The following RNLS variants were observed in gnomAD, a reference collection of about 807,000 sequenced individuals.
The protein encoded by RNLS is renalase.
A neutral mutation model predicts 39.8 loss-of-function variants in RNLS; 39 were observed. That is an observed-to-expected ratio of 0.98 (90% confidence interval 0.76 to 1.28). The LOEUF is 1.28. Ranked by LOEUF, RNLS falls within the 50% of genes most tolerant of loss-of-function variation. The pLI is 0.00. For missense variants in RNLS, 410 were observed against 413.3 expected (o/e 0.99, Z 0.07); for synonymous variants, 147 against 150.7 (o/e 0.98, Z 0.18).
chr10:88,545,821 A>G (rs1482780711), intron 4 of RNLS, among the ~76,000 whole-genome samples: 3 of 152,172 alleles, frequency 2.0e-5, no homozygotes, highest in Non-Finnish European at 4.4e-5. Flanking sequence ...CTAAGTAAAA[A>G]CATAATGCCA....
At position 88,583,292 on chromosome 10, in the gene RNLS, C is replaced by G. The variant is rs936412280; in HGVS notation, c.-102G>C. 3.6e-5 allele frequency: 56 copies of G among 1,536,638 alleles called. No individual in the cohort carries two copies. In the African/African-American group the frequency reaches 6.3e-4, roughly 17 times the overall value. On this transcript the variant is annotated 5_prime_UTR_variant, in exon 1 of 7. Transcript: ENST00000331772. ...AACCGGCGCTAGCGCTCTTTGGTTC[C>G]GTGCTCCCTGGGCCGACCTGGGCCC...
chr10:88,416,544 C>T (rs762283504), intron 4 of RNLS, among the ~76,000 whole-genome samples: 20 of 152,152 alleles, frequency 1.3e-4, no homozygotes, highest in Non-Finnish European at 2.5e-4. Context: ...TGAGCCACTG[C>T]GCCCAGCCCT....
In RNLS at chr10:88,394,110, A is replaced by T. The variant is rs1343945604; in HGVS notation, c.527-31385T>A. Among the ~76,000 whole-genome samples, 5 of 152,338 alleles carry T rather than the reference A, an allele frequency of 3.3e-5. No homozygotes were observed. The East Asian group carries it at 9.6e-4, about 29-fold the overall frequency. ...AACCCTAGAAGAAAACATAGGCAAT[A>T]CCATTAAGGACATAGGCATGGGCAA... On this transcript the variant is annotated intron_variant, in intron 4 of 6. Coordinates refer to ENST00000331772, the MANE Select transcript of RNLS (RefSeq NM_001031709.3).
chr10:88,533,265 T>C (rs1349101650), intron 4 of RNLS, among the ~76,000 whole-genome samples: 1 of 152,114 alleles, frequency 6.6e-6, no homozygotes, highest in Non-Finnish European at 1.5e-5. Flanking sequence ...CAAATCATCA[T>C]TGGTTAAAGA....
At chr10:88,209,754 C>G in the RNLS span, among the ~76,000 whole-genome samples, 1 of 152,156 alleles carries the variant, frequency 6.6e-6, no homozygotes, top group African/African-American at 2.4e-5. Flanking sequence ...TCTTTTAGAT[C>G]TGAAACTAAA....
intron 4 of RNLS, among the ~76,000 whole-genome samples, chr10:88,474,178 T>C (rs1843686595): frequency 6.6e-6 from 1 of 152,196 alleles, no homozygotes; most frequent in Non-Finnish European, 1.5e-5. Flanking sequence ...TATTTTAATG[T>C]TCTGTTAGAT....
At chr10:88,206,715 C>T in the RNLS span, among the ~76,000 whole-genome samples, 2 of 152,164 alleles carry the variant, frequency 1.3e-5, no homozygotes, top group South Asian at 4.1e-4. Context: ...TTTCATCTCC[C>T]GAGAACTCCA....
chr10:88,369,807 G>C (rs1850400931), intron 4 of RNLS, among the ~76,000 whole-genome samples: 1 of 152,136 alleles, frequency 6.6e-6, no homozygotes, highest in East Asian at 1.9e-4. Flanking sequence ...ATCCTCCCAA[G>C]TAACTGGGAT....
chr10:88,226,146 AAC>A, the RNLS span, among the ~76,000 whole-genome samples: 1 of 152,250 alleles, frequency 6.6e-6, no homozygotes. Flanking sequence ...AGAAACTGAG[AAC>A]ACACAGTCAT....
intron 4 of RNLS, among the ~76,000 whole-genome samples, chr10:88,413,619 T>C (rs1467692979): frequency 6.6e-6 from 1 of 152,210 alleles, no homozygotes; most frequent in Non-Finnish European, 1.5e-5. Flanking sequence ...CTATTAAGCA[T>C]CACTGAGGTG....
chr10:88,240,088 C>T, the RNLS span, among the ~76,000 whole-genome samples: 1 of 152,188 alleles, frequency 6.6e-6, no homozygotes, highest in Non-Finnish European at 1.5e-5. Flanking sequence ...ATCTTTCCTT[C>T]TTCGCTCTGT....
At chr10:88,461,041 A>G (rs1338918922) in intron 4 of RNLS, among the ~76,000 whole-genome samples, 1 of 152,114 alleles carries the variant, frequency 6.6e-6, no homozygotes, top group Non-Finnish European at 1.5e-5. Flanking sequence ...GGAGGGAAGA[A>G]GTGGCTTCTA....
intron 4 of RNLS, among the ~76,000 whole-genome samples, chr10:88,504,857 G>GTA (rs1845702698): frequency 6.6e-6 from 1 of 151,194 alleles, no homozygotes. Context: ...GTGTGTGTGT[G>GTA]TGTGTGTGTG....
chr10:88,577,164 G>A lies in RNLS; in HGVS notation c.368-4103C>T, dbSNP rs1042250033. Among the ~76,000 whole-genome samples, 4 of 152,114 alleles carry A rather than the reference G, an allele frequency of 2.6e-5. No individual in the cohort carries two copies. The East Asian group carries it at 7.7e-4, about 29-fold the overall frequency. On this transcript the variant is annotated intron_variant, in intron 3 of 6. Coordinates refer to ENST00000331772, the MANE Select transcript of RNLS (RefSeq NM_001031709.3). ...TCAATATCCACTTCCCCCTATGTCAGGAATTAACTGATGAAAGAGGGAAAC... is the reference window on the plus strand; with the variant it reads ...TCAATATCCACTTCCCCCTATGTCAAGAATTAACTGATGAAAGAGGGAAAC...
At chr10:88,223,707 C>T in the RNLS span, among the ~76,000 whole-genome samples, 2 of 152,126 alleles carry the variant, frequency 1.3e-5, no homozygotes, top group South Asian at 4.1e-4. Flanking sequence ...GGACCATTAT[C>T]ACTTTACCCC....
rs184460464 is a variant in RNLS, at chr10:88,472,933, A to G, written c.526+99970T>C. Among the ~76,000 whole-genome samples, 451 of 152,328 alleles carry G rather than the reference A, an allele frequency of 3.0e-3. 1 individual carries two copies. The highest frequency in any genetic ancestry group is 4.9e-3 in the Non-Finnish European group (332 of 68,020). On this transcript the variant is annotated intron_variant, in intron 4 of 6. Coordinates refer to ENST00000331772, the MANE Select transcript of RNLS (RefSeq NM_001031709.3). ...ATGTTGGGAATTTAACTAGTCATGC[A>G]TAACTTAACCGTGAGGATATGTTCT...
intron 4 of RNLS, among the ~76,000 whole-genome samples, chr10:88,562,105 AC>A (rs1849227760): frequency 6.6e-6 from 1 of 152,122 alleles, no homozygotes; most frequent in Non-Finnish European, 1.5e-5. Flanking sequence ...ATCATGACAA[AC>A]TTTTTGGAAG....
the RNLS span, among the ~76,000 whole-genome samples, chr10:88,211,016 G>A: frequency 6.6e-6 from 1 of 152,128 alleles, no homozygotes; most frequent in African/African-American, 2.4e-5. Context: ...TTTCAAGACT[G>A]TACTGCTGAT....
At chr10:88,567,417 T>C (rs1030776913) in intron 4 of RNLS, among the ~76,000 whole-genome samples, 2 of 152,248 alleles carry the variant, frequency 1.3e-5, no homozygotes, top group African/African-American at 2.4e-5. Flanking sequence ...GGATCTCTCT[T>C]GATATACAAA....
Sources: allele counts gnomAD v4.1 joint callset (sites outside exome capture counted in the v4.1 genomes callset), GRCh38; gene constraint gnomAD v4.1.1; transcripts MANE v1.5; gene names NCBI Gene and HGNC (gene_info 2026-07-23, HGNC 2026-07-21).